The following ITGAV variants were observed in gnomAD, a reference collection of about 807,000 sequenced individuals.
ITGAV encodes integrin subunit alpha V.
A neutral mutation model predicts 143.8 loss-of-function variants in ITGAV; 76 were observed. That is an observed-to-expected ratio of 0.53 (90% CI 0.44 to 0.64). ITGAV has a LOEUF of 0.64. Among genes scored for constraint, ITGAV ranks in the 30% least tolerant of loss-of-function variants. The pLI, the probability that ITGAV is intolerant of heterozygous loss-of-function variation, is 0.00. For missense variants in ITGAV, 1,193 were observed against 1,274.7 expected, an observed-to-expected ratio of 0.94 and a Z score of 0.98; for synonymous variants, 453 against 446.7, an observed-to-expected ratio of 1.01 and a Z score of -0.18.
At chr2:186,669,453 G>A (rs1689001575) in intron 25 of ITGAV, among the ~76,000 whole-genome samples, 2 of 152,148 alleles carry the variant, frequency 1.3e-5, no homozygotes, top group South Asian at 4.1e-4. Flanking sequence ...TGTTTCATCA[G>A]TTTCCACTCT....
intron 10 of ITGAV, among the ~76,000 whole-genome samples, chr2:186,640,389 AT>A (rs1688068987): frequency 6.6e-6 from 1 of 152,216 alleles, no homozygotes. Flanking sequence ...TCCTTTCCAT[AT>A]CTTTCCAAAC....
At position 186,590,481 on chromosome 2, in the gene ITGAV, AC is replaced by A; in HGVS notation, c.144del (p.Phe49SerfsTer80). 1 of 1,611,310 alleles carries A rather than the reference AC, an allele frequency of 6.2e-7. No homozygotes were observed. Among genetic ancestry groups the A allele is most frequent in the Non-Finnish European group, 8.5e-7 (1 of 1,179,002 alleles). The part of the protein sequence containing the change: ...PAEYSGPEGS[Y>X]FGFAVDFFVP... ...GAGTACTCTGGCCCCGAGGGAAGTTACTTCGGCTTCGCCGTGGATTTCTTCG... is the reference window on the plus strand; with the variant it reads ...GAGTACTCTGGCCCCGAGGGAAGTTATTCGGCTTCGCCGTGGATTTCTTCG... On this transcript the variant is annotated frameshift_variant, in exon 1 of 30. Coordinates refer to ENST00000261023, the MANE Select transcript of ITGAV (RefSeq NM_002210.5). LOFTEE classifies it high-confidence loss of function.
At position 186,637,054 on chromosome 2, in the gene ITGAV, T is replaced by C; in HGVS notation, c.758-11T>C. On this transcript the variant is annotated splice_polypyrimidine_tract_variant and intron_variant, in intron 7 of 29. Coordinates refer to ENST00000261023, the MANE Select transcript of ITGAV (RefSeq NM_002210.5). ...TGTCCTGATGGTTCTCCCCTTTGGT[T>C]TCCTGTTTAGGTTATTCTGTGGCTG... is the stretch of plus-strand genomic sequence containing the variant. 6.2e-7 allele frequency: 1 copy of C among 1,612,734 alleles called. No homozygotes were observed. The highest frequency in any genetic ancestry group is 8.5e-7 in the Non-Finnish European group (1 of 1,178,730).
rs1380840504 is a variant in ITGAV at position 186,638,290 on chromosome 2, A to T, written c.816A>T (p.Gly272=). 7.4e-6 allele frequency: 12 copies of T among 1,613,840 alleles called. No homozygotes were observed. Among genetic ancestry groups the T allele is most frequent in the African/African-American group, 1.3e-5 (1 of 74,926 alleles). The change falls in exon 9 of 30, where the codon GGA becomes GGT. Residue 272 remains glycine (G), a synonymous_variant. Transcript: ENST00000261023. ...NGDGIDDFVS[G]VPRAARTLGM... Reference sequence around the variant, plus strand: ...TGTTTGTTTCAGACTTTGTTTCAGGAGTTCCAAGAGCAGCAAGGACTTTGG... The same window carrying T: ...TGTTTGTTTCAGACTTTGTTTCAGGTGTTCCAAGAGCAGCAAGGACTTTGG...
chr2:186,646,887 T>C lies in ITGAV; in HGVS notation c.1351+10T>C. ...AAAAATGGATATCCAGGTGCTTTCT[T>C]ATCAACACATAGAGCCCTTAGATTT... is the stretch of plus-strand genomic sequence containing the variant. On this transcript the variant is annotated intron_variant, in intron 13 of 29. Coordinates refer to ENST00000261023, the MANE Select transcript of ITGAV (RefSeq NM_002210.5). 7 of 1,558,666 alleles carry C rather than the reference T, an allele frequency of 4.5e-6. No individual in the cohort carries two copies. Among genetic ancestry groups the C allele is most frequent in the Non-Finnish European group, 6.1e-6 (7 of 1,143,930 alleles).
chr2:186,656,568 A>G (rs1438882813), intron 17 of ITGAV, among the ~76,000 whole-genome samples, 167 bp downstream of exon 17: 1 of 152,216 alleles, frequency 6.6e-6, no homozygotes, highest in African/African-American at 2.4e-5. Flanking sequence ...ATGGACTTCT[A>G]CTTCTGGCAG....
intron 10 of ITGAV, 115 bp from the exon 11 acceptor site, chr2:186,640,800 G>C (rs1688080366): frequency 1.4e-6 from 1 of 733,232 alleles, no homozygotes; most frequent in South Asian, 1.9e-5. Context: ...CATTTAGATT[G>C]AAGCACTATA....
At chr2:186,601,900 G>C (rs1013947522) in intron 1 of ITGAV, 121 bp from the exon 2 acceptor site, 27 of 968,048 alleles carry the variant, frequency 2.8e-5, no homozygotes, top group Middle Eastern at 2.6e-4. Context: ...TCAGTGAATA[G>C]CAAATGGTTT....
intron 2 of ITGAV, among the ~76,000 whole-genome samples, chr2:186,609,790 C>T (rs548305925): frequency 2.6e-5 from 2 of 75,668 alleles, no homozygotes; most frequent in African/African-American, 7.6e-5. Context: ...TCCATGTGCC[C>T]TACATATATA....
intron 14 of ITGAV, among the ~76,000 whole-genome samples, chr2:186,650,656 G>A (rs748121669): frequency 1.2e-4 from 18 of 149,516 alleles, no homozygotes; most frequent in Admixed American, 2.0e-4. Context: ...AGTGATTCTC[G>A]TGCCTCAGCC....
At chr2:186,625,322 T>A in intron 3 of ITGAV, 151 bp from the exon 4 acceptor site, 1 of 593,380 alleles carries the variant, frequency 1.7e-6, no homozygotes, top group Non-Finnish European at 3.0e-6. Context: ...CAGTGAGCCA[T>A]GATCACGTCA....
chr2:186,670,427 A>C (rs956132966), intron 26 of ITGAV, among the ~76,000 whole-genome samples: 1 of 152,022 alleles, frequency 6.6e-6, no homozygotes, highest in African/African-American at 2.4e-5. Flanking sequence ...CAGTCCCCCA[A>C]GTAGCTAGGA....
chr2:186,639,455 G>T (rs1553502468), intron 10 of ITGAV, among the ~76,000 whole-genome samples: 1 of 152,092 alleles, frequency 6.6e-6, no homozygotes, highest in Non-Finnish European at 1.5e-5. Flanking sequence ...GGCAGTTAGG[G>T]TTGCTGCAGG....
At chr2:186,626,441 C>A (rs1051106923) in intron 4 of ITGAV, among the ~76,000 whole-genome samples, 2 of 152,162 alleles carry the variant, frequency 1.3e-5, no homozygotes. Context: ...AGTGTTTATG[C>A]CTAGAGCCCT....
chr2:186,658,056 T>C (rs1386059392), intron 17 of ITGAV, among the ~76,000 whole-genome samples: 2 of 152,142 alleles, frequency 1.3e-5, no homozygotes, highest in Non-Finnish European at 2.9e-5. Flanking sequence ...CATTCTAGTC[T>C]TACAATAGAT....
At chr2:186,614,576 C>A (rs572494289) in intron 2 of ITGAV, among the ~76,000 whole-genome samples, 2 of 152,050 alleles carry the variant, frequency 1.3e-5, no homozygotes, top group South Asian at 4.1e-4. Context: ...ACAGGTGAAA[C>A]ATATATCTTG....
rs574771853 is a variant in ITGAV, at chr2:186,591,854, G to A, written c.185+1331G>A. On this transcript the variant is annotated intron_variant, in intron 1 of 29. Coordinates refer to ENST00000261023, the MANE Select transcript of ITGAV (RefSeq NM_002210.5). ...AGTTACAGTGCTTTCTGTGAGACCT[G>A]GAGCACAGATTTTCCAACATGATAA... is the stretch of plus-strand genomic sequence containing the variant. Among the ~76,000 whole-genome samples, 7 of 152,300 alleles carry A rather than the reference G, an allele frequency of 4.6e-5. No individual in the cohort carries two copies. The East Asian group carries it at 1.4e-3, about 29-fold the overall frequency.
intron 4 of ITGAV, among the ~76,000 whole-genome samples, chr2:186,630,427 A>T (rs1222569831): frequency 6.6e-6 from 1 of 151,878 alleles, no homozygotes; most frequent in Non-Finnish European, 1.5e-5. Context: ...TAATACAAAT[A>T]TTGTTTGGTA....
chr2:186,604,040 A>T (rs1686988575), intron 2 of ITGAV, among the ~76,000 whole-genome samples: 2 of 145,592 alleles, frequency 1.4e-5, no homozygotes, highest in Non-Finnish European at 3.0e-5. Flanking sequence ...GTTTTTATGT[A>T]TTTTTTTTTT....
Sources: gnomAD v4.1 joint callset for allele counts (sites outside exome capture counted in the v4.1 genomes callset) on GRCh38, gnomAD v4.1.1 for gene constraint, MANE v1.5 for transcripts, NCBI Gene and HGNC (gene_info 2026-07-23, HGNC 2026-07-21) for gene names.